MAPKAP1: variants seen among roughly 807,000 people sequenced by gnomAD.
MAPKAP1 encodes MAPK associated protein 1, also known as target of rapamycin complex 2 subunit MAPKAP1.
Under a neutral mutation model 65.7 loss-of-function variants are expected in MAPKAP1, and 20 were observed. The observed-to-expected ratio is 0.30, with a 90% CI of 0.21 to 0.44. The LOEUF (loss-of-function observed/expected upper bound fraction) is 0.44, where lower values mean the gene tolerates loss of function less well. MAPKAP1 is among the 20% of genes least tolerant of loss of function. The probability of loss-of-function intolerance (pLI) is 1.00; values close to 1 mark genes in which losing one functional copy is unlikely to be tolerated. For missense variants in MAPKAP1, 423 were observed against 648.0 expected (o/e 0.65, Z 3.77); for synonymous variants, 222 against 244.3 (o/e 0.91, Z 0.85).
chr9:125,504,801 C>T (rs375897762), intron 8 of MAPKAP1, among the ~76,000 whole-genome samples: 4 of 151,370 alleles, frequency 2.6e-5, no homozygotes, highest in South Asian at 4.2e-4. Context: ...TCAAAAAAAC[C>T]CCAAAACCAA....
chr9:125,451,181 C>T (rs1334806393), intron 10 of MAPKAP1: 4 of 152,184 alleles, frequency 2.6e-5, no homozygotes, highest in Non-Finnish European at 2.9e-5. Flanking sequence ...TCTCATGTAT[C>T]GAAAACATTC....
rs564192396 is a variant in MAPKAP1 at position 125,453,792 on chromosome 9, GA to G, written c.1346-9195del. The stretch of plus-strand genomic sequence containing the variant: ...TTGACATATTTCATTTGACAATATC[GA>G]AAAAAAATCACTTTCATTAATATCA... On this transcript the variant is annotated intron_variant, in intron 10 of 11. Coordinates refer to ENST00000265960, the MANE Select transcript of MAPKAP1 (RefSeq NM_001006617.3). Among the ~76,000 whole-genome samples the G allele has an allele frequency of 9.2e-5, 14 of 151,728 alleles. No individual in the cohort carries two copies. In the East Asian group the frequency reaches 2.1e-3, roughly 23 times the overall value.
At chr9:125,461,355 C>T (rs556644199) in intron 10 of MAPKAP1, among the ~76,000 whole-genome samples, 2 of 152,328 alleles carry the variant, frequency 1.3e-5, no homozygotes, top group South Asian at 2.1e-4. Context: ...AATCAAAATG[C>T]ACTAAGCAGC....
At chr9:125,460,063 C>G (rs1432964130) in intron 10 of MAPKAP1, among the ~76,000 whole-genome samples, 2 of 152,090 alleles carry the variant, frequency 1.3e-5, no homozygotes, top group African/African-American at 4.8e-5. Context: ...GCTGAGAAAT[C>G]TTTCACACAG....
At chr9:125,553,264 G>A (rs528682145) in intron 6 of MAPKAP1, among the ~76,000 whole-genome samples, 33 of 152,278 alleles carry the variant, frequency 2.2e-4, no homozygotes, top group African/African-American at 4.3e-4. Context: ...TAGGCTGGGC[G>A]CGGTGGCTCA....
rs1340743700 is a variant in MAPKAP1, at chr9:125,707,008, G to C, written c.-107C>G. 2.5e-6 allele frequency: 1 copy of C among 396,848 alleles called. No individual in the cohort carries two copies. Among genetic ancestry groups the C allele is most frequent in the Non-Finnish European group, 4.4e-6 (1 of 225,256 alleles). The allele number at this position is 396,848 out of a possible 1,614,324, so 24.6% of individuals were successfully genotyped here. On this transcript the variant is annotated 5_prime_UTR_variant, in exon 1 of 12. Coordinates refer to ENST00000265960, the MANE Select transcript of MAPKAP1 (RefSeq NM_001006617.3). ...CCACACTACGGGCCGGGTCGGCCCC[G>C]GGACACGTTCCTGAGGGGAGGGCCC...
intron 5 of MAPKAP1, among the ~76,000 whole-genome samples, chr9:125,571,777 C>T (rs370017824): frequency 9.2e-5 from 14 of 152,258 alleles, no homozygotes; most frequent in African/African-American, 2.2e-4. Flanking sequence ...GAAGGAGAAT[C>T]GCTTGAACCT....
intron 7 of MAPKAP1, among the ~76,000 whole-genome samples, chr9:125,518,147 T>C (rs1371737558): frequency 1.3e-5 from 2 of 152,236 alleles, no homozygotes; most frequent in African/African-American, 4.8e-5. Flanking sequence ...TATACAATGA[T>C]GTATGTTCAA....
intron 7 of MAPKAP1, among the ~76,000 whole-genome samples, chr9:125,535,550 G>C (rs1165649930): frequency 6.6e-6 from 1 of 152,152 alleles, no homozygotes. Context: ...TAAGAGCACA[G>C]ATAGCCCTTT....
At chr9:125,642,066 GTGGTGGCATGCACCTATGGTCCA>G (rs1833594362) in intron 4 of MAPKAP1, among the ~76,000 whole-genome samples, 1 of 151,828 alleles carries the variant, frequency 6.6e-6, no homozygotes, top group Non-Finnish European at 1.5e-5. Context: ...TTAGGCCGGT[GTGGTGGCATGCACCTATGGTCCA>G]AGCTACTTGG....
intron 9 of MAPKAP1, among the ~76,000 whole-genome samples, chr9:125,481,040 TA>T (rs1478643278): frequency 6.6e-6 from 1 of 150,964 alleles, no homozygotes; most frequent in Non-Finnish European, 1.5e-5. Context: ...CATAGAATGT[TA>T]AAAGGTAAAC....
At chr9:125,591,629 G>A (rs921478238) in intron 4 of MAPKAP1, among the ~76,000 whole-genome samples, 1 of 152,148 alleles carries the variant, frequency 6.6e-6, no homozygotes, top group Admixed American at 6.5e-5. Flanking sequence ...AATGATGATG[G>A]GAAAAGTGCC....
At chr9:125,577,573 GC>G (rs1831466504) in intron 5 of MAPKAP1, among the ~76,000 whole-genome samples, 2 of 116,674 alleles carry the variant, frequency 1.7e-5, no homozygotes, top group South Asian at 3.1e-4. Context: ...GGGGGGGTCA[GC>G]CCCCCGCCCT....
chr9:125,508,650 G>C (rs1028491553), intron 7 of MAPKAP1, among the ~76,000 whole-genome samples: 1 of 152,062 alleles, frequency 6.6e-6, no homozygotes, highest in Non-Finnish European at 1.5e-5. Context: ...CCAGGAGTTT[G>C]AGGCCAGCCT....
At chr9:125,664,987 G>A (rs534965214) in intron 3 of MAPKAP1, among the ~76,000 whole-genome samples, 1 of 152,148 alleles carries the variant, frequency 6.6e-6, no homozygotes, top group African/African-American at 2.4e-5. Context: ...CATACTAACA[G>A]CTAATTTACT....
chr9:125,577,124 G>C, intron 5 of MAPKAP1, among the ~76,000 whole-genome samples: 2 of 151,012 alleles, frequency 1.3e-5, no homozygotes, highest in African/African-American at 2.4e-5. Flanking sequence ...GAGCGTCTCT[G>C]CCCGGCCGCC....
At chr9:125,576,694 T>G (rs1309016920) in intron 5 of MAPKAP1, among the ~76,000 whole-genome samples, 1 of 152,216 alleles carries the variant, frequency 6.6e-6, no homozygotes, top group African/African-American at 2.4e-5. Context: ...GGTTTTTGTA[T>G]TTTTTTGGTG....
intron 4 of MAPKAP1, 85 bp from the exon 5 acceptor site, chr9:125,585,812 C>A (rs1831766726): frequency 7.5e-7 from 1 of 1,328,168 alleles, no homozygotes; most frequent in Non-Finnish European, 1.1e-6. Flanking sequence ...GGCAGCACAG[C>A]CATTTTTCAT....
chr9:125,617,176 G>C (rs1296867674), intron 4 of MAPKAP1, among the ~76,000 whole-genome samples: 1 of 152,334 alleles, frequency 6.6e-6, no homozygotes, highest in East Asian at 1.9e-4. Flanking sequence ...CAAAATGTTT[G>C]TAGATCGGGC....
Sources: gnomAD v4.1 joint callset for allele counts (sites outside exome capture counted in the v4.1 genomes callset) on GRCh38, gnomAD v4.1.1 for gene constraint, MANE v1.5 for transcripts, NCBI Gene and HGNC (gene_info 2026-07-23, HGNC 2026-07-21) for gene names.